Variants in NXN observed in about 807,000 individuals in gnomAD.
NXN encodes the protein nucleoredoxin.
In NXN, 16 loss-of-function variants were observed where a neutral mutation model predicts 48.6. The ratio of observed to expected loss-of-function variants is 0.33; its 90% CI spans 0.22 to 0.50. The LOEUF is 0.50. Ranked by LOEUF, NXN falls within the 20% of genes least tolerant of loss-of-function variation. The probability of loss-of-function intolerance (pLI) is 0.98; values close to 1 mark genes in which losing one functional copy is unlikely to be tolerated. For missense variants in NXN, 492 were observed against 605.5 expected, an observed-to-expected ratio of 0.81 and a Z score of 1.97; for synonymous variants, 281 against 269.6, an observed-to-expected ratio of 1.04 and a Z score of -0.41.
intron 5 of NXN, among the ~76,000 whole-genome samples, chr17:815,869 T>G (rs1016584038): frequency 6.6e-6 from 1 of 152,166 alleles, no homozygotes; most frequent in Admixed American, 6.5e-5. Flanking sequence ...TGCACACACG[T>G]GCACACACAG....
chr17:975,545 G>A lies in NXN; in HGVS notation c.360+3774C>T, dbSNP rs563297568. ...CCCCTGGCTGGAGCAGGCTGACCAGGGATACTGGACCAGGGTCCCCTGACT... is the reference window on the plus strand; with the variant it reads ...CCCCTGGCTGGAGCAGGCTGACCAGAGATACTGGACCAGGGTCCCCTGACT... On this transcript the variant is annotated intron_variant, in intron 1 of 7. Transcript: ENST00000336868. Among the ~76,000 whole-genome samples, 3 of 152,210 alleles carry A rather than the reference G, an allele frequency of 2.0e-5. No homozygotes were observed. The East Asian group carries it at 5.8e-4, about 29-fold the overall frequency.
chr17:833,664 T>C (rs9895102), intron 1 of NXN, among the ~76,000 whole-genome samples: 1 of 152,012 alleles, frequency 6.6e-6, no homozygotes, highest in African/African-American at 2.4e-5. Flanking sequence ...ACAGAGTTCA[T>C]AAATCCCCCT....
chr17:955,901 C>CAAA (rs576853177), intron 1 of NXN, among the ~76,000 whole-genome samples: 20 of 130,916 alleles, frequency 1.5e-4, no homozygotes, highest in Non-Finnish European at 3.0e-4. Context: ...GACTCCATCT[C>CAAA]AAAAAAAAAA....
At chr17:869,126 A>G (rs1332486897) in intron 1 of NXN, among the ~76,000 whole-genome samples, 1 of 151,894 alleles carries the variant, frequency 6.6e-6, no homozygotes, top group Non-Finnish European at 1.5e-5. Flanking sequence ...ACTTGGGTGA[A>G]CCCCACTGAC....
At chr17:866,088 A>G (rs548901961) in intron 1 of NXN, among the ~76,000 whole-genome samples, 27 of 152,260 alleles carry the variant, frequency 1.8e-4, no homozygotes, top group Non-Finnish European at 3.8e-4. Flanking sequence ...GGCAGTGGGC[A>G]AGTAAATTAC....
chr17:853,723 A>ATATATATATTTTTTTT (rs1491528474), intron 1 of NXN, among the ~76,000 whole-genome samples: 2 of 106,002 alleles, frequency 1.9e-5, no homozygotes, highest in Non-Finnish European at 3.5e-5. Flanking sequence ...ATATATATAT[A>ATATATATATTTTTTTT]TTTTTTTTTT....
In NXN at chr17:823,618, G is replaced by T. The variant is rs759679898; in HGVS notation, c.612+14C>A. 1 of 1,613,956 alleles carries T rather than the reference G, an allele frequency of 6.2e-7. No homozygotes were observed. The highest frequency in any genetic ancestry group is 1.1e-5 in the South Asian group (1 of 91,066). ...CTTCCTTCTGTCTGAGCCAAAGGGG[G>T]TCCAAACACTCACCCAATGTGCGGA... is the stretch of plus-strand genomic sequence containing the variant. On this transcript the variant is annotated intron_variant, in intron 3 of 7. Coordinates refer to ENST00000336868, the MANE Select transcript of NXN (RefSeq NM_022463.5).
At chr17:942,556 G>A (rs7211337) in intron 1 of NXN, among the ~76,000 whole-genome samples, 23,130 of 26,586 alleles carry the variant, frequency 0.87, 10,997 homozygotes, top group Non-Finnish European at 0.97. Context: ...CTGGATTTAC[G>A]GTGAACAAGA....
At chr17:895,093 T>C (rs540870016) in intron 1 of NXN, among the ~76,000 whole-genome samples, 67 of 131,122 alleles carry the variant, frequency 5.1e-4, no homozygotes, top group African/African-American at 1.5e-3. Flanking sequence ...CTCGGCTCAC[T>C]GCAACCTCCG....
In NXN at chr17:841,571, C is replaced by T. The variant is rs868553156; in HGVS notation, c.361-15493G>A. Among the ~76,000 whole-genome samples, 66 of 111,752 alleles carry T rather than the reference C, an allele frequency of 5.9e-4. 1 individual carries two copies. Among genetic ancestry groups the T allele is most frequent in the Non-Finnish European group, 7.1e-4 (40 of 55,970 alleles). 73.3% of individuals were successfully genotyped at this position (111,752 alleles called of 152,430 possible). A position where few individuals can be genotyped will look rare whatever the true frequency, so the allele number is the denominator to read the frequency against. On this transcript the variant is annotated intron_variant, in intron 1 of 7. Coordinates refer to ENST00000336868, the MANE Select transcript of NXN (RefSeq NM_022463.5). ...CCGGCGAGCAGGTCCCCCCTGACCA[C>T]GGAGCATCTCACGCCGGCGAGCAGG...
intron 1 of NXN, among the ~76,000 whole-genome samples, chr17:841,575 G>GCA (rs1914279904): frequency 1.8e-5 from 2 of 113,108 alleles, no homozygotes; most frequent in African/African-American, 8.0e-5. Context: ...TGACCACGGA[G>GCA]CATCTCACGC....
chr17:813,403 G>A (rs1912281125), intron 5 of NXN, among the ~76,000 whole-genome samples: 1 of 152,252 alleles, frequency 6.6e-6, no homozygotes, highest in Non-Finnish European at 1.5e-5. Flanking sequence ...CGGCTTGGAG[G>A]ACAAGGACAG....
rs55751712 is a variant in NXN, at chr17:849,518, C to CAAA, written c.361-23443_361-23441dup. Among the ~76,000 whole-genome samples, 40 of 147,790 alleles carry CAAA rather than the reference C, an allele frequency of 2.7e-4. No individual in the cohort carries two copies. Among genetic ancestry groups the CAAA allele is most frequent in the South Asian group, 6.4e-4 (3 of 4,666 alleles). On this transcript the variant is annotated intron_variant, in intron 1 of 7. Coordinates refer to ENST00000336868, the MANE Select transcript of NXN (RefSeq NM_022463.5). The surrounding 1 kb of genome is among the most constrained non-coding windows in gnomAD (Gnocchi z 4.2). ...ACTGCACTCCATCCTGGACGACAGA[C>CAAA]AAAAAAAAAAGATGGGAGCTTCCCA...
At chr17:899,685 G>A (rs1345006353) in intron 1 of NXN, among the ~76,000 whole-genome samples, 1 of 152,032 alleles carries the variant, frequency 6.6e-6, no homozygotes, top group East Asian at 1.9e-4. Flanking sequence ...TCTTTTCCTG[G>A]GAGACAGTAA....
intron 1 of NXN, among the ~76,000 whole-genome samples, chr17:977,714 G>C (rs544247304): frequency 1.3e-5 from 2 of 152,182 alleles, no homozygotes; most frequent in African/African-American, 4.8e-5. Flanking sequence ...GAAACTTGCC[G>C]TAACAATGAA....
chr17:875,058 G>C (rs1427664328), intron 1 of NXN, among the ~76,000 whole-genome samples: 6 of 150,932 alleles, frequency 4.0e-5, no homozygotes, highest in Non-Finnish European at 8.8e-5. Flanking sequence ...CTGAGACAGA[G>C]TCTTACTCTG....
intron 1 of NXN, among the ~76,000 whole-genome samples, chr17:927,245 C>T (rs2068809553): frequency 6.6e-6 from 1 of 151,270 alleles, no homozygotes; most frequent in African/African-American, 2.4e-5. Context: ...TGTGCCACTA[C>T]ACTCCAGCCT....
chr17:937,743 C>A (rs34242116), intron 1 of NXN, among the ~76,000 whole-genome samples: 2 of 152,072 alleles, frequency 1.3e-5, no homozygotes, highest in Non-Finnish European at 2.9e-5. Flanking sequence ...CACGCTGTCA[C>A]GGGGACGCCG....
intron 1 of NXN, among the ~76,000 whole-genome samples, chr17:965,200 G>A (rs753885090): frequency 2.6e-5 from 4 of 152,150 alleles, no homozygotes; most frequent in Non-Finnish European, 4.4e-5. Context: ...GAGGGAGAAC[G>A]TGGGCCTTAA....
Sources: allele counts gnomAD v4.1 joint callset (sites outside exome capture counted in the v4.1 genomes callset), GRCh38; gene constraint gnomAD v4.1.1; non-coding constraint Gnocchi (gnomAD v3.1); transcripts MANE v1.5; gene names NCBI Gene and HGNC (gene_info 2026-07-23, HGNC 2026-07-21).